Variants in SMIM23 observed in about 807,000 individuals in gnomAD.
The protein encoded by SMIM23 is CTB-78H18.1.
SMIM23 carries 10 observed loss-of-function variants against 12.8 expected under a neutral mutation model. The ratio of observed to expected loss-of-function variants is 0.78; its 90% CI spans 0.48 to 1.32. SMIM23 has a LOEUF of 1.32. SMIM23 is among the 40% of genes most tolerant of loss of function. The pLI, the probability that SMIM23 is intolerant of heterozygous loss-of-function variation, is 0.00. For synonymous variants in SMIM23, 78 were observed against 80.1 expected (o/e 0.97, Z 0.14); for missense variants, 184 against 198.2 (o/e 0.93, Z 0.43).
chr5:171,790,782 G>A lies in SMIM23; in HGVS notation c.226-13G>A. 6.5e-7 allele frequency: 1 copy of A among 1,536,114 alleles called. No individual in the cohort carries two copies. Among genetic ancestry groups the A allele is most frequent in the South Asian group, 1.2e-5 (1 of 84,060 alleles). On this transcript the variant is annotated splice_polypyrimidine_tract_variant and intron_variant, in intron 3 of 3. Transcript: ENST00000523047. ...AGAAAGCACAGGATGCCACTTCTGT[G>A]TCTGCCTTCCAGGGGCTTGAATATC... is the stretch of plus-strand genomic sequence containing the variant.
chr5:171,790,644 C>A (rs775884855), intron 3 of SMIM23, 95 bp downstream of exon 3: 1 of 1,394,560 alleles, frequency 7.2e-7, no homozygotes, highest in South Asian at 1.3e-5. Flanking sequence ...GATAAGTAGT[C>A]GCTTGTCAAG....
chr5:171,783,731 C>T (rs1561589666), upstream of SMIM23, among the ~76,000 whole-genome samples: 1 of 152,194 alleles, frequency 6.6e-6, no homozygotes, highest in Non-Finnish European at 1.5e-5. Context: ...AACATTTTAT[C>T]TGCAAAAGTC....
chr5:171,789,052 C>T (rs958272926), intron 1 of SMIM23, among the ~76,000 whole-genome samples: 1 of 152,250 alleles, frequency 6.6e-6, no homozygotes, highest in Non-Finnish European at 1.5e-5. Context: ...GTTGGCCAGG[C>T]TGGTTTCGAA....
chr5:171,784,059 T>C (rs1002831224), upstream of SMIM23, among the ~76,000 whole-genome samples: 3 of 151,870 alleles, frequency 2.0e-5, no homozygotes, highest in African/African-American at 4.8e-5. Context: ...CTGGGAAACA[T>C]AGCAAGACAC....
At chr5:171,780,706 G>A (rs1341557091), upstream of SMIM23, among the ~76,000 whole-genome samples, 2 of 152,300 alleles carry the variant, frequency 1.3e-5, no homozygotes, top group South Asian at 4.1e-4. Context: ...CTGCATGGGT[G>A]CCTGCAAGAC....
rs772342594 is a variant in SMIM23, at chr5:171,790,514, G to C, written c.190G>C (p.Glu64Gln). 1 of 1,536,670 alleles carries C rather than the reference G, an allele frequency of 6.5e-7. No individual in the cohort carries two copies. Among genetic ancestry groups the C allele is most frequent in the Non-Finnish European group, 8.7e-7 (1 of 1,147,074 alleles). The change falls in exon 3 of 4, where the codon GAA becomes CAA. Residue 64 changes from glutamate to glutamine, a missense_variant. Transcript: ENST00000523047. ...TTGGGAGGTGTCAGAAAGGATCAGAGAATGTAACTACTACCAGAATCTTGC... is the reference window on the plus strand; with the variant it reads ...TTGGGAGGTGTCAGAAAGGATCAGACAATGTAACTACTACCAGAATCTTGC... ...SSWEVSERIR[E>Q]CNYYQNLAVP...
upstream of SMIM23, chr5:171,782,381 CGTT>C (rs1348050799): frequency 6.6e-6 from 1 of 152,216 alleles, no homozygotes; most frequent in Non-Finnish European, 1.5e-5. Flanking sequence ...AACGAGAAGA[CGTT>C]GGAGTTAAAT....
chr5:171,780,017 C>T (rs1755701638), upstream of SMIM23, among the ~76,000 whole-genome samples: 1 of 152,074 alleles, frequency 6.6e-6, no homozygotes, highest in Non-Finnish European at 1.5e-5. Context: ...GACTTAGAGA[C>T]ATGATGTCAC....
chr5:171,778,075 T>C (rs776633303), upstream of SMIM23, among the ~76,000 whole-genome samples: 2 of 152,258 alleles, frequency 1.3e-5, no homozygotes, highest in South Asian at 4.1e-4. Context: ...GACAAGGAGA[T>C]TTGGCTGGGC....
chr5:171,780,551 G>C (rs1755709882), upstream of SMIM23, among the ~76,000 whole-genome samples: 1 of 152,118 alleles, frequency 6.6e-6, no homozygotes, highest in Non-Finnish European at 1.5e-5. Flanking sequence ...GTGTGTGACT[G>C]TAATTTTTTT....
upstream of SMIM23, among the ~76,000 whole-genome samples, chr5:171,777,869 T>C (rs1320491050): frequency 6.6e-6 from 1 of 152,082 alleles, no homozygotes; most frequent in Non-Finnish European, 1.5e-5. Context: ...AGCAGAAGCC[T>C]CCAGCCTCCT....
the SMIM23 span, chr5:171,774,054 T>C: frequency 8.4e-6 from 3 of 357,358 alleles, no homozygotes. Flanking sequence ...TTGTGTCTGA[T>C]TTCTTGTCTG....
the SMIM23 span, among the ~76,000 whole-genome samples, chr5:171,773,069 G>A: frequency 6.6e-5 from 10 of 152,214 alleles, no homozygotes; most frequent in East Asian, 5.8e-4. Flanking sequence ...GGGGCCTGGC[G>A]TGGAGAGCTG....
At chr5:171,779,084 G>C (rs555241668), upstream of SMIM23, among the ~76,000 whole-genome samples, 9 of 152,344 alleles carry the variant, frequency 5.9e-5, no homozygotes, top group African/African-American at 2.2e-4. Flanking sequence ...GAGCACAGCA[G>C]ACACACAATA....
chr5:171,781,618 A>G (rs529482495), upstream of SMIM23, among the ~76,000 whole-genome samples: 119 of 151,860 alleles, frequency 7.8e-4, 1 homozygote, highest in Non-Finnish European at 1.6e-3. Flanking sequence ...TACCTGGTAT[A>G]AGACGACGAA....
chr5:171,789,599 C>T (rs930094343), intron 1 of SMIM23, among the ~76,000 whole-genome samples: 2 of 152,136 alleles, frequency 1.3e-5, no homozygotes, highest in African/African-American at 4.8e-5. Flanking sequence ...CAATAAAATA[C>T]ACAATATACT....
chr5:171,776,648 T>G, the SMIM23 span, among the ~76,000 whole-genome samples: 2 of 152,182 alleles, frequency 1.3e-5, no homozygotes, highest in Non-Finnish European at 2.9e-5. Context: ...GTACAGAGCA[T>G]GCTTACTCCT....
chr5:171,781,823 C>T (rs141600172), upstream of SMIM23, among the ~76,000 whole-genome samples: 324 of 152,226 alleles, frequency 2.1e-3, 4 homozygotes, highest in East Asian at 0.02. Flanking sequence ...TTCTGTCTAG[C>T]TAGAGGATTG....
At chr5:171,783,538 C>T (rs1755761404), upstream of SMIM23, among the ~76,000 whole-genome samples, 1 of 152,186 alleles carries the variant, frequency 6.6e-6, no homozygotes, top group Admixed American at 6.5e-5. Flanking sequence ...AAACTCCACA[C>T]TTTATACAAA....
Sources: allele counts gnomAD v4.1 joint callset (sites outside exome capture counted in the v4.1 genomes callset), GRCh38; gene constraint gnomAD v4.1.1; transcripts MANE v1.5; gene names NCBI Gene and HGNC (gene_info 2026-07-23, HGNC 2026-07-21).